Variants in CDH18 observed in about 807,000 individuals in gnomAD.
CDH18 encodes cadherin 18.
Under a neutral mutation model 67.9 loss-of-function variants are expected in CDH18, and 31 were observed. That is an observed-to-expected ratio of 0.46 (90% CI 0.34 to 0.62). The LOEUF is 0.62. Ranked by LOEUF, CDH18 falls within the 20% of genes least tolerant of loss-of-function variation. The pLI is 0.01. For synonymous variants in CDH18, 362 were observed against 347.2 expected (o/e 1.04, Z -0.48); for missense variants, 890 against 975.5 (o/e 0.91, Z 1.17).
In CDH18 at chr5:19,838,798, T is replaced by C. The variant is rs1781952395; in HGVS notation, c.189A>G (p.Leu63=). ...RGWVWNQFFV[L]EEHMGPDPQY... ...GAGGATCTGGTCCCATATGTTCTTCTAAAACAAAGAACTGATTCCATACCC... is the reference window on the plus strand; with the variant it reads ...GAGGATCTGGTCCCATATGTTCTTCCAAAACAAAGAACTGATTCCATACCC... The change falls in exon 3 of 13, where the codon TTA becomes TTG. Residue 63 remains leucine, a synonymous_variant. Transcript: ENST00000382275. 1.9e-6 allele frequency: 3 copies of C among 1,613,694 alleles called. No homozygotes were observed. Among genetic ancestry groups the C allele is most frequent in the Non-Finnish European group, 2.5e-6 (3 of 1,179,644 alleles).
chr5:19,715,311 T>C (rs1765209968), intron 5 of CDH18, among the ~76,000 whole-genome samples: 1 of 152,178 alleles, frequency 6.6e-6, no homozygotes, highest in Non-Finnish European at 1.5e-5. Flanking sequence ...AATTATATCC[T>C]ACGAAATTCA....
At chr5:19,900,654 T>C (rs892494502) in intron 2 of CDH18, among the ~76,000 whole-genome samples, 3 of 152,216 alleles carry the variant, frequency 2.0e-5, no homozygotes, top group African/African-American at 7.2e-5. Flanking sequence ...ATGTATGGTA[T>C]AATTCCACTT....
intron 5 of CDH18, among the ~76,000 whole-genome samples, chr5:19,641,663 A>G (rs771503557): frequency 6.6e-6 from 1 of 152,048 alleles, no homozygotes; most frequent in Non-Finnish European, 1.5e-5. Flanking sequence ...AAATAGGTAT[A>G]GAAAGAAGCT....
chr5:20,487,567 A>G (rs1462588910), intron 1 of CDH18, among the ~76,000 whole-genome samples: 1 of 151,254 alleles, frequency 6.6e-6, no homozygotes, highest in Non-Finnish European at 1.5e-5. Context: ...TTCATAAAAT[A>G]TCAAATTTCC....
intron 1 of CDH18, among the ~76,000 whole-genome samples, chr5:20,439,313 T>A (rs1749423372): frequency 6.6e-6 from 1 of 151,672 alleles, no homozygotes; most frequent in Admixed American, 6.6e-5. Flanking sequence ...TTTGGTGGAT[T>A]CCTGCACACT....
At chr5:19,604,653 G>T (rs1461186436) in intron 6 of CDH18, among the ~76,000 whole-genome samples, 1 of 151,556 alleles carries the variant, frequency 6.6e-6, no homozygotes, top group South Asian at 2.1e-4. Flanking sequence ...TTGGCTCTAC[G>T]TGCAATGTTT....
intron 1 of CDH18, among the ~76,000 whole-genome samples, chr5:20,476,611 T>C (rs1000558469): frequency 3.9e-5 from 6 of 152,208 alleles, no homozygotes; most frequent in African/African-American, 7.2e-5. Flanking sequence ...ATTCATTATT[T>C]CAATTAAGTT....
chr5:20,481,869 A>T (rs1752831409), intron 1 of CDH18, among the ~76,000 whole-genome samples: 1 of 152,050 alleles, frequency 6.6e-6, no homozygotes, highest in Non-Finnish European at 1.5e-5. Context: ...TTCAAATGCA[A>T]ATCCTAATAA....
At chr5:19,872,635 G>A (rs1312795059) in intron 2 of CDH18, among the ~76,000 whole-genome samples, 3 of 152,160 alleles carry the variant, frequency 2.0e-5, no homozygotes, top group African/African-American at 7.2e-5. Flanking sequence ...CAAGCTTCCA[G>A]ATGAGAACAC....
At chr5:20,556,721 A>G (rs1757926401) in intron 1 of CDH18, among the ~76,000 whole-genome samples, 1 of 152,026 alleles carries the variant, frequency 6.6e-6, no homozygotes, top group African/African-American at 2.4e-5. Context: ...TTTGGTGACT[A>G]TTTTTTTAGC....
chr5:19,570,047 C>T (rs1741117369), intron 8 of CDH18, among the ~76,000 whole-genome samples: 1 of 151,966 alleles, frequency 6.6e-6, no homozygotes, highest in South Asian at 2.1e-4. Flanking sequence ...TATCTCTATT[C>T]CCAAAAGATA....
intron 2 of CDH18, among the ~76,000 whole-genome samples, chr5:20,205,296 T>C (rs1348091887): frequency 2.0e-5 from 3 of 151,936 alleles, no homozygotes; most frequent in African/African-American, 2.4e-5. Context: ...AAAGTCACTA[T>C]ATAATAATAA....
chr5:20,421,608 T>C (rs1314610773), intron 1 of CDH18, among the ~76,000 whole-genome samples: 1 of 150,958 alleles, frequency 6.6e-6, no homozygotes, highest in African/African-American at 2.5e-5. Flanking sequence ...ATATTTCAAA[T>C]GGAATAAAAA....
At chr5:19,906,207 A>C (rs560433662) in intron 2 of CDH18, among the ~76,000 whole-genome samples, 1 of 152,124 alleles carries the variant, frequency 6.6e-6, no homozygotes, top group African/African-American at 2.4e-5. Context: ...GGGATTTCAT[A>C]GGACTAGGAA....
At chr5:19,695,431 A>G (rs1205135091) in intron 5 of CDH18, among the ~76,000 whole-genome samples, 1 of 152,212 alleles carries the variant, frequency 6.6e-6, no homozygotes, top group Non-Finnish European at 1.5e-5. Context: ...GACCAAATGA[A>G]TGATTAGTAA....
At chr5:19,558,524 A>G (rs1394730272) in intron 8 of CDH18, among the ~76,000 whole-genome samples, 2 of 151,986 alleles carry the variant, frequency 1.3e-5, no homozygotes, top group Non-Finnish European at 2.9e-5. Flanking sequence ...AACTTTATGC[A>G]CATAAAATAG....
At chr5:20,260,955 T>C (rs1234967727) in intron 1 of CDH18, among the ~76,000 whole-genome samples, 1 of 152,162 alleles carries the variant, frequency 6.6e-6, no homozygotes, top group Non-Finnish European at 1.5e-5. Flanking sequence ...ATACATGGTT[T>C]AGCCTTGTGA....
intron 2 of CDH18, among the ~76,000 whole-genome samples, chr5:20,002,398 G>T (rs905529198): frequency 1.3e-5 from 2 of 152,140 alleles, no homozygotes; most frequent in Non-Finnish European, 2.9e-5. Flanking sequence ...TTGGTTCATT[G>T]CCTTTAATAA....
chr5:20,442,295 TA>T (rs1400329875), intron 1 of CDH18, among the ~76,000 whole-genome samples: 2 of 151,900 alleles, frequency 1.3e-5, no homozygotes, highest in Admixed American at 6.5e-5. Context: ...GCTATGGAAT[TA>T]AACCTTTAAA....
Sources: gnomAD v4.1 joint callset for allele counts (sites outside exome capture counted in the v4.1 genomes callset) on GRCh38, gnomAD v4.1.1 for gene constraint, MANE v1.5 for transcripts, NCBI Gene and HGNC (gene_info 2026-07-23, HGNC 2026-07-21) for gene names.